TIGAR: variants seen among roughly 807,000 people sequenced by gnomAD.
TIGAR encodes the protein fructose-2,6-bisphosphatase TIGAR.
TIGAR carries 7 observed loss-of-function variants against 17.9 expected under a neutral mutation model. The observed-to-expected ratio is 0.39, with a 90% CI of 0.22 to 0.73. The LOEUF (loss-of-function observed/expected upper bound fraction) is 0.73, where lower values mean the gene tolerates loss of function less well. Among genes scored for constraint, TIGAR ranks in the 30% least tolerant of loss-of-function variants. TIGAR has a pLI of 0.42. For missense variants in TIGAR, 258 were observed against 327.4 expected (o/e 0.79, Z 1.64); for synonymous variants, 94 against 108.6 (o/e 0.87, Z 0.84).
intron 1 of TIGAR, among the ~76,000 whole-genome samples, chr12:4,325,665 C>G (rs1373042222): frequency 1.3e-5 from 2 of 151,130 alleles, no homozygotes; most frequent in African/African-American, 4.9e-5. Context: ...TCTCTTGAAC[C>G]CGGGAGGTAG....
rs74058853 is a variant in TIGAR at position 4,355,156 on chromosome 12, T to C, written c.*2465T>C. Among the ~76,000 whole-genome samples, 5,753 of 152,300 alleles carry C rather than the reference T, an allele frequency of 0.038. 361 individuals are homozygous for C. The highest frequency in any genetic ancestry group is 0.13 in the African/African-American group (5,423 of 41,550). On this transcript the variant is annotated 3_prime_UTR_variant, in exon 6 of 6. Coordinates refer to ENST00000179259, the MANE Select transcript of TIGAR (RefSeq NM_020375.3). ...TCTACCATGAGGTCATACAGTAATG[T>C]CTTCTTACAGTTTTTGAGAACTTCT...
chr12:4,331,402 G>T (rs1200079471), intron 2 of TIGAR, 85 bp downstream of exon 2: 2 of 1,268,574 alleles, frequency 1.6e-6, no homozygotes, highest in Non-Finnish European at 2.3e-6. Context: ...GGGTGGGGTA[G>T]ACTGGGGGCA....
intron 3 of TIGAR, among the ~76,000 whole-genome samples, chr12:4,337,815 T>A (rs1005042560): frequency 5.9e-5 from 9 of 152,096 alleles, no homozygotes; most frequent in African/African-American, 2.2e-4. Context: ...TAGAAATATC[T>A]TCAGGGAACA....
rs111847668 is a variant in TIGAR, at chr12:4,357,945, A to C, written c.*5254A>C. Among the ~76,000 whole-genome samples, 5,846 of 151,820 alleles carry C rather than the reference A, an allele frequency of 0.039. 384 individuals carry two copies. The highest frequency in any genetic ancestry group is 0.13 in the African/African-American group (5,509 of 41,300). ...AGTGAAACCTCGTCTCCACTGAAAA[A>C]TAGAAAAAATTAGCCAGGCCTGGTG... On this transcript the variant is annotated 3_prime_UTR_variant, in exon 6 of 6. Coordinates refer to ENST00000179259, the MANE Select transcript of TIGAR (RefSeq NM_020375.3).
At chr12:4,342,001 G>A (rs970442163) in intron 3 of TIGAR, among the ~76,000 whole-genome samples, 2 of 152,268 alleles carry the variant, frequency 1.3e-5, no homozygotes, top group Non-Finnish European at 2.9e-5. Context: ...AAGATCAGAC[G>A]AATGGCTAAC....
chr12:4,344,415 A>G (rs1864758348), intron 3 of TIGAR, among the ~76,000 whole-genome samples: 1 of 152,172 alleles, frequency 6.6e-6, no homozygotes, highest in African/African-American at 2.4e-5. Flanking sequence ...CCTGGCAGAG[A>G]CACAACAAAA....
chr12:4,330,667 C>T (rs1040413430), intron 1 of TIGAR, among the ~76,000 whole-genome samples: 1 of 152,108 alleles, frequency 6.6e-6, no homozygotes, highest in Admixed American at 6.5e-5. Context: ...TTTACCCTTC[C>T]GGTTGGTTCA....
chr12:4,349,264 C>T (rs1166518615), intron 3 of TIGAR, among the ~76,000 whole-genome samples: 1 of 152,114 alleles, frequency 6.6e-6, no homozygotes, highest in Non-Finnish European at 1.5e-5. Flanking sequence ...CAGTAAAATA[C>T]TTTATTTGCA....
chr12:4,332,522 G>T lies in TIGAR; in HGVS notation c.70+1205G>T, dbSNP rs558226087. Reference sequence around the variant, plus strand: ...GCATCCCAAAGTGCTGGAATTACAGGCCTGAGCCGCCGCACGCGGCCTCAA... The same window carrying T: ...GCATCCCAAAGTGCTGGAATTACAGTCCTGAGCCGCCGCACGCGGCCTCAA... On this transcript the variant is annotated intron_variant, in intron 2 of 5. Transcript: ENST00000179259. Among the ~76,000 whole-genome samples the T allele has an allele frequency of 3.3e-5, 5 of 152,250 alleles. No homozygotes were observed. In the East Asian group the frequency reaches 9.6e-4, roughly 29 times the overall value.
chr12:4,342,806 T>G (rs918802508), intron 3 of TIGAR, among the ~76,000 whole-genome samples: 4 of 152,146 alleles, frequency 2.6e-5, no homozygotes, highest in Non-Finnish European at 4.4e-5. Context: ...AGACCATCAA[T>G]GCTAGGAAGA....
rs1864610497 is a variant in TIGAR at position 4,332,234 on chromosome 12, A to ATTTCT, written c.70+921_70+925dup. Among the ~76,000 whole-genome samples, 77 of 85,378 alleles carry ATTTCT rather than the reference A, an allele frequency of 9.0e-4. 1 individual carries two copies. The highest frequency in any genetic ancestry group is 3.0e-3 in the African/African-American group (73 of 24,532). The allele number at this position is 85,378 out of a possible 152,430, so 56.0% of individuals were successfully genotyped here. On this transcript the variant is annotated intron_variant, in intron 2 of 5. Transcript: ENST00000179259. ...GTGTATAAGCATTCAAGGCTCATGT[A>ATTTCT]TTTCTTTTTTTTTTTTTTTTTTTTT...
chr12:4,348,379 C>T (rs912957101), intron 3 of TIGAR, among the ~76,000 whole-genome samples: 2 of 152,116 alleles, frequency 1.3e-5, no homozygotes, highest in Non-Finnish European at 2.9e-5. Context: ...TTCATTATAG[C>T]AAAATTGCAA....
Position 4,357,270 on chromosome 12 carries a change from T to C in TIGAR, c.*4579T>C, listed in dbSNP as rs1415407220. ...GTGTAAGTTAAATGGTTCTATTATA[T>C]GTCTTCACTATATTAAGGTCAGTCA... On this transcript the variant is annotated 3_prime_UTR_variant, in exon 6 of 6. Transcript: ENST00000179259. Among the ~76,000 whole-genome samples, 1 of 152,264 alleles carries C rather than the reference T, an allele frequency of 6.6e-6. No individual in the cohort carries two copies. Among genetic ancestry groups the C allele is most frequent in the African/African-American group, 2.4e-5 (1 of 41,476 alleles).
intron 1 of TIGAR, among the ~76,000 whole-genome samples, chr12:4,329,432 G>A (rs1398367184): frequency 7.1e-6 from 1 of 140,340 alleles, no homozygotes; most frequent in Non-Finnish European, 1.5e-5. Flanking sequence ...TCTGCCTCCC[G>A]GGTTTAAACA....
At chr12:4,344,903 G>A (rs1864763450) in intron 3 of TIGAR, among the ~76,000 whole-genome samples, 1 of 152,152 alleles carries the variant, frequency 6.6e-6, no homozygotes. Flanking sequence ...AAGCTGATAA[G>A]CAACTTCAGC....
intron 3 of TIGAR, among the ~76,000 whole-genome samples, chr12:4,340,571 C>CA (rs1291093879): frequency 6.6e-6 from 1 of 152,166 alleles, no homozygotes; most frequent in Non-Finnish European, 1.5e-5. Context: ...TGTGGAACTG[C>CA]AAAAGACCCA....
chr12:4,346,272 T>C (rs113349006), intron 3 of TIGAR, among the ~76,000 whole-genome samples: 2,785 of 152,258 alleles, frequency 0.018, 72 homozygotes, highest in African/African-American at 0.063. Context: ...ACCCAAAGGA[T>C]TATAAATCAT....
At chr12:4,328,201 T>C (rs1371325105) in intron 1 of TIGAR, among the ~76,000 whole-genome samples, 1 of 152,006 alleles carries the variant, frequency 6.6e-6, no homozygotes, top group Non-Finnish European at 1.5e-5. Flanking sequence ...TAGGAAATCT[T>C]TTTTTTTGAG....
intron 3 of TIGAR, among the ~76,000 whole-genome samples, chr12:4,338,975 C>CAAAAAAAAAAAAAAAAAAAAAA (rs199840929): frequency 1.3e-4 from 5 of 38,190 alleles, no homozygotes; most frequent in Admixed American, 1.0e-3. Context: ...AACTTTGTCT[C>CAAAAAAAAAAAAAAAAAAAAAA]ACAAAAAAAA....
Sources: allele counts gnomAD v4.1 joint callset (sites outside exome capture counted in the v4.1 genomes callset), GRCh38; gene constraint gnomAD v4.1.1; transcripts MANE v1.5; gene names NCBI Gene and HGNC (gene_info 2026-07-23, HGNC 2026-07-21).